Variants in TMTC4 observed in about 807,000 individuals in gnomAD.
TMTC4 encodes transmembrane O-mannosyltransferase targeting cadherins 4, also known as protein O-mannosyl-transferase TMTC4.
A neutral mutation model predicts 86.0 loss-of-function variants in TMTC4; 65 were observed. The observed-to-expected ratio is 0.76, with a 90% CI of 0.62 to 0.93. TMTC4 has a LOEUF of 0.93. TMTC4 is among the 40% of genes least tolerant of loss of function. The probability of loss-of-function intolerance (pLI) is 0.00; values close to 1 mark genes in which losing one functional copy is unlikely to be tolerated. For missense variants in TMTC4, 866 were observed against 948.1 expected, an observed-to-expected ratio of 0.91 and a Z score of 1.14; for synonymous variants, 379 against 382.5, an observed-to-expected ratio of 0.99 and a Z score of 0.11.
Position 100,628,475 on chromosome 13 carries a change from G to A in TMTC4, c.1507-2325C>T, listed in dbSNP as rs1880870823. ...TGAACATGGGTGTACAAATCTCTCT[G>A]AGTCTCTGCTTTCGGTCCTTTTGGA... On this transcript the variant is annotated intron_variant, in intron 12 of 18. Transcript: ENST00000342624. 3.9e-5 allele frequency among the ~76,000 whole-genome samples: 6 copies of A among 152,286 alleles called. 1 individual carries two copies. In the South Asian group the frequency reaches 1.2e-3, roughly 32 times the overall value.
intron 6 of TMTC4, among the ~76,000 whole-genome samples, chr13:100,646,172 TC>T (rs1186599472): frequency 6.6e-6 from 1 of 152,034 alleles, no homozygotes; most frequent in African/African-American, 2.4e-5. Context: ...GCTCTGATGC[TC>T]CCTAAAGGCA....
At chr13:100,650,641 C>A (rs1307763341) in intron 6 of TMTC4, among the ~76,000 whole-genome samples, 3 of 152,234 alleles carry the variant, frequency 2.0e-5, no homozygotes, top group Non-Finnish European at 4.4e-5. Context: ...CCAAGCCGTG[C>A]TTCTATGCAC....
chr13:100,637,827 T>C (rs1594305215), intron 8 of TMTC4, 103 bp downstream of exon 8: 8 of 1,534,618 alleles, frequency 5.2e-6, no homozygotes, highest in African/African-American at 1.4e-5. Flanking sequence ...AGGCTGGTTA[T>C]TGTAGAATTC....
chr13:100,663,455 G>A (rs2139035091), intron 4 of TMTC4, among the ~76,000 whole-genome samples: 1 of 152,310 alleles, frequency 6.6e-6, no homozygotes, highest in South Asian at 2.1e-4. Flanking sequence ...AAAATCGAAA[G>A]GAAAGCTAGA....
chr13:100,626,985 C>G (rs530617161), intron 12 of TMTC4, among the ~76,000 whole-genome samples: 8 of 152,278 alleles, frequency 5.3e-5, no homozygotes, highest in Admixed American at 1.3e-4. Context: ...AGCTCCCATG[C>G]CCCCTTTCCG....
At chr13:100,660,896 C>T (rs1885699007) in intron 5 of TMTC4, among the ~76,000 whole-genome samples, 1 of 152,184 alleles carries the variant, frequency 6.6e-6, no homozygotes, top group East Asian at 1.9e-4. Flanking sequence ...TCAAGTGATC[C>T]ACCTGCTTCG....
intron 9 of TMTC4, among the ~76,000 whole-genome samples, chr13:100,636,988 A>G (rs1217068578): frequency 1.3e-5 from 2 of 152,170 alleles, no homozygotes; most frequent in African/African-American, 4.8e-5. Context: ...ATTTCTGGCA[A>G]AGCTATGATC....
In TMTC4 at chr13:100,637,931, T is replaced by C; in HGVS notation, c.833A>G (p.Glu278Gly). Residue 278 changes from glutamate to glycine, a missense_variant and splice_region_variant, in exon 8 of 19, where the codon GAG (glutamate) becomes GGG (glycine). Glu to Gly is a moderately conservative substitution (Grantham distance 98, BLOSUM62 -2). Coordinates refer to ENST00000342624, the MANE Select transcript of TMTC4 (RefSeq NM_032813.5). ...CTGGAGATAAAAGTACAGACTCACC[T>C]CTAATGACTTGTCCTTATGTAGTAC... is the stretch of plus-strand genomic sequence containing the variant. ...QKVLHKDKSL[E>G]NLGMLRNGGL... is the part of the protein sequence containing the mutation. 6.2e-7 allele frequency: 1 copy of C among 1,610,838 alleles called. No homozygotes were observed. The highest frequency in any genetic ancestry group is 8.5e-7 in the Non-Finnish European group (1 of 1,178,184).
intron 12 of TMTC4, among the ~76,000 whole-genome samples, chr13:100,633,879 G>A (rs1881799043): frequency 6.6e-6 from 1 of 152,288 alleles, no homozygotes; most frequent in East Asian, 1.9e-4. Context: ...AGTGGCTCAC[G>A]CCTGTAATCC....
chr13:100,631,008 GCAAAA>G (rs1881282175), intron 12 of TMTC4, among the ~76,000 whole-genome samples: 1 of 152,176 alleles, frequency 6.6e-6, no homozygotes, highest in Non-Finnish European at 1.5e-5. Flanking sequence ...TGCCTAGATT[GCAAAA>G]CAAAACAAAA....
In TMTC4 at chr13:100,673,676, T is replaced by C. The variant is rs549643884; in HGVS notation, c.-208+1068A>G. Among the ~76,000 whole-genome samples the C allele has an allele frequency of 2.6e-5, 4 of 152,324 alleles. No individual in the cohort carries two copies. The South Asian group carries it at 6.2e-4, about 24-fold the overall frequency. ...ACGGCCTTCCCATTTTATAATTCAG[T>C]AGCGCACGAGGGCCATGGCTGCCTA... On this transcript the variant is annotated intron_variant, in intron 1 of 18. Coordinates refer to ENST00000342624, the MANE Select transcript of TMTC4 (RefSeq NM_032813.5).
At chr13:100,625,492 A>C in intron 15 of TMTC4, 43 bp downstream of exon 15, 1 of 1,608,360 alleles carries the variant, frequency 6.2e-7, no homozygotes, top group Non-Finnish European at 8.5e-7. Context: ...TAAGAAAAAT[A>C]ACCCATCTTT....
Sources: gnomAD v4.1 joint callset for allele counts (sites outside exome capture counted in the v4.1 genomes callset) on GRCh38, gnomAD v4.1.1 for gene constraint, MANE v1.5 for transcripts, NCBI Gene and HGNC (gene_info 2026-07-23, HGNC 2026-07-21) for gene names.